Variants in CSGALNACT1 observed in about 807,000 individuals in gnomAD.
CSGALNACT1 encodes the protein beta4GalNAcT-1.
In CSGALNACT1, 52 loss-of-function variants were observed where a neutral mutation model predicts 51.0. The observed-to-expected ratio is 1.02, with a 90% CI of 0.82 to 1.29. The LOEUF (loss-of-function observed/expected upper bound fraction) is 1.29, where lower values mean the gene tolerates loss of function less well. Among genes scored for constraint, CSGALNACT1 ranks in the 50% most tolerant of loss-of-function variants. The pLI is 0.00. For synonymous variants in CSGALNACT1, 341 were observed against 254.4 expected, an observed-to-expected ratio of 1.34 and a Z score of -3.24; for missense variants, 935 against 679.2, an observed-to-expected ratio of 1.38 and a Z score of -4.19.
chr8:19,434,857 T>C (rs1269131854), intron 6 of CSGALNACT1, among the ~76,000 whole-genome samples: 1 of 150,072 alleles, frequency 6.7e-6, no homozygotes, highest in Non-Finnish European at 1.5e-5. Context: ...AAAAAGCAAA[T>C]CAACAATGCT....
chr8:19,494,015 C>T (rs368170926), intron 4 of CSGALNACT1, among the ~76,000 whole-genome samples: 7 of 152,168 alleles, frequency 4.6e-5, no homozygotes, highest in East Asian at 1.9e-4. Flanking sequence ...TCCTGCTATC[C>T]GAGTGACCCA....
At chr8:19,638,124 A>G (rs1321251046) in intron 1 of CSGALNACT1, among the ~76,000 whole-genome samples, 2 of 146,574 alleles carry the variant, frequency 1.4e-5, no homozygotes, top group Admixed American at 1.3e-4. Context: ...AAAATAAGCT[A>G]GGAGACTCAT....
rs181729533 is a variant in CSGALNACT1, at chr8:19,677,164, A to C, written c.-544+5309T>G. ...CACTCTGTCACCCAGGATGGAATAC[A>C]GTCTTATAATCTCTACTCACTGCAG... On this transcript the variant is annotated intron_variant, in intron 1 of 9. Transcript: ENST00000332246. Among the ~76,000 whole-genome samples, 1,463 of 152,162 alleles carry C rather than the reference A, an allele frequency of 9.6e-3. 18 individuals carry two copies. Among genetic ancestry groups the C allele is most frequent in the African/African-American group, 0.032 (1,328 of 41,498 alleles).
At chr8:19,662,853 A>G (rs900146409) in intron 1 of CSGALNACT1, among the ~76,000 whole-genome samples, 1 of 152,026 alleles carries the variant, frequency 6.6e-6, no homozygotes, top group Non-Finnish European at 1.5e-5. Context: ...TTCTCCCCCC[A>G]TTCAGGAGGT....
At chr8:19,602,964 T>A (rs1231300826), upstream of CSGALNACT1, among the ~76,000 whole-genome samples, 1 of 151,302 alleles carries the variant, frequency 6.6e-6, no homozygotes, top group African/African-American at 2.4e-5. Context: ...TATATATGTA[T>A]TTGCTATTTT....
intron 1 of CSGALNACT1, among the ~76,000 whole-genome samples, chr8:19,668,679 C>T (rs1356097698): frequency 6.6e-6 from 1 of 152,122 alleles, no homozygotes; most frequent in Non-Finnish European, 1.5e-5. Flanking sequence ...CTCAGCCTCC[C>T]AAGTAGCTGG....
intron 3 of CSGALNACT1, among the ~76,000 whole-genome samples, chr8:19,535,800 T>G (rs775150068): frequency 6.6e-6 from 1 of 152,046 alleles, no homozygotes; most frequent in Non-Finnish European, 1.5e-5. Context: ...TTTAAAACTC[T>G]CAGAAAAGCA....
At chr8:19,680,725 C>T (rs2060554328) in intron 1 of CSGALNACT1, among the ~76,000 whole-genome samples, 1 of 152,090 alleles carries the variant, frequency 6.6e-6, no homozygotes, top group Non-Finnish European at 1.5e-5. Flanking sequence ...TCTGAGAGAT[C>T]TATCATTAGG....
chr8:19,662,327 G>A (rs971133735), intron 1 of CSGALNACT1, among the ~76,000 whole-genome samples: 2 of 150,222 alleles, frequency 1.3e-5, no homozygotes, highest in Admixed American at 1.3e-4. Flanking sequence ...GTTGCAGTGA[G>A]CCGAGATCAC....
intron 3 of CSGALNACT1, among the ~76,000 whole-genome samples, chr8:19,516,250 A>G (rs182471370): frequency 5.3e-5 from 8 of 152,302 alleles, no homozygotes; most frequent in African/African-American, 1.9e-4. Context: ...CCATTAAAGA[A>G]ACAGAAACTG....
chr8:19,601,876 A>G lies in CSGALNACT1; in HGVS notation c.-510-11T>C, dbSNP rs1564224349. ...GAAATAGGAAGGCAGCTAAAATAAA[A>G]TAAAAACAAAAGGCAACCCTTGTAA... On this transcript the variant is annotated splice_polypyrimidine_tract_variant and intron_variant, in intron 1 of 9. Coordinates refer to ENST00000454498, the Ensembl canonical transcript of CSGALNACT1. 2.2e-6 allele frequency: 1 copy of G among 454,086 alleles called. No homozygotes were observed. Among genetic ancestry groups the G allele is most frequent in the Non-Finnish European group, 4.4e-6 (1 of 226,786 alleles). 28.1% of individuals were successfully genotyped at this position (454,086 alleles called of 1,614,324 possible).
intron 3 of CSGALNACT1, among the ~76,000 whole-genome samples, chr8:19,569,993 C>A (rs2042666109): frequency 6.6e-6 from 1 of 151,808 alleles, no homozygotes; most frequent in South Asian, 2.1e-4. Flanking sequence ...CAAGAGCAGG[C>A]AAAAGTAATC....
chr8:19,487,767 G>A (rs533790625), intron 4 of CSGALNACT1, among the ~76,000 whole-genome samples: 7 of 151,990 alleles, frequency 4.6e-5, no homozygotes, highest in Admixed American at 4.6e-4. Context: ...TCTTCTAATA[G>A]GATTTCTAAT....
chr8:19,466,371 C>T (rs2066677516), intron 4 of CSGALNACT1, among the ~76,000 whole-genome samples: 1 of 152,154 alleles, frequency 6.6e-6, no homozygotes, highest in African/African-American at 2.4e-5. Context: ...AAAAACACTT[C>T]AGCCATGTAA....
chr8:19,444,063 G>A (rs544682115), intron 5 of CSGALNACT1, among the ~76,000 whole-genome samples: 1 of 152,280 alleles, frequency 6.6e-6, no homozygotes, highest in South Asian at 2.1e-4. Flanking sequence ...GCACTCAGGT[G>A]GTAATGCTCA....
At chr8:19,463,621 T>C (rs2066031417) in intron 4 of CSGALNACT1, among the ~76,000 whole-genome samples, 1 of 152,204 alleles carries the variant, frequency 6.6e-6, no homozygotes, top group South Asian at 2.1e-4. Context: ...ACAAACATCT[T>C]CCTTGTCATC....
At chr8:19,434,650 G>A (rs995905044) in intron 6 of CSGALNACT1, among the ~76,000 whole-genome samples, 3 of 152,140 alleles carry the variant, frequency 2.0e-5, no homozygotes, top group Admixed American at 2.0e-4. Context: ...GCAGAATCAC[G>A]CTTAGCAAAG....
intron 3 of CSGALNACT1, among the ~76,000 whole-genome samples, chr8:19,526,476 G>A (rs576597104): frequency 1.3e-5 from 2 of 152,216 alleles, no homozygotes; most frequent in African/African-American, 2.4e-5. Flanking sequence ...CCAGCTACTC[G>A]GGAGACCGAG....
At chr8:19,735,515 GA>G (rs932744447) in intron 1 of CSGALNACT1, among the ~76,000 whole-genome samples, 4 of 141,186 alleles carry the variant, frequency 2.8e-5, no homozygotes, top group African/African-American at 8.3e-5. Flanking sequence ...GCAAGTAACA[GA>G]AAAAAAACCA....
Sources: allele counts gnomAD v4.1 joint callset (sites outside exome capture counted in the v4.1 genomes callset), GRCh38; gene constraint gnomAD v4.1.1; transcripts MANE v1.5; gene names NCBI Gene and HGNC (gene_info 2026-07-23, HGNC 2026-07-21).